The following FOXP1 variants were observed in gnomAD, a reference collection of about 807,000 sequenced individuals.
FOXP1 encodes the protein forkhead box protein P1.
A neutral mutation model predicts 98.2 loss-of-function variants in FOXP1; 15 were observed. That is an observed-to-expected ratio of 0.15 (90% CI 0.10 to 0.24). FOXP1 has a LOEUF of 0.24. Ranked by LOEUF, FOXP1 falls within the 10% of genes least tolerant of loss-of-function variation. The pLI is 1.00. For missense variants in FOXP1, 633 were observed against 848.5 expected (o/e 0.75, Z 3.15); for synonymous variants, 371 against 314.5 (o/e 1.18, Z -1.90).
chr3:71,512,639 A>C (rs2042281647), intron 2 of FOXP1, among the ~76,000 whole-genome samples: 1 of 152,206 alleles, frequency 6.6e-6, no homozygotes, highest in African/African-American at 2.4e-5. Context: ...GAGAGAAGCA[A>C]AGGTGTTGGA....
chr3:71,576,202 C>T (rs1174177773), intron 2 of FOXP1, among the ~76,000 whole-genome samples: 2 of 152,148 alleles, frequency 1.3e-5, no homozygotes, highest in Non-Finnish European at 2.9e-5. Flanking sequence ...TCAATGATCC[C>T]ATTTCAGCTA....
rs557782638 is a variant in FOXP1 at position 71,213,125 on chromosome 3, A to T, written c.-11-14733T>A. ...TAAATCCAAAATAACACTCCCAAAC[A>T]AATGAAAATTAAATGAAGGGAGAAA... On this transcript the variant is annotated intron_variant, in intron 5 of 20. Transcript: ENST00000649528. Among the ~76,000 whole-genome samples, 3 of 152,350 alleles carry T rather than the reference A, an allele frequency of 2.0e-5. No individual in the cohort carries two copies. In the South Asian group the frequency reaches 6.2e-4, roughly 32 times the overall value.
At chr3:71,251,667 A>C (rs1398409270) in intron 5 of FOXP1, among the ~76,000 whole-genome samples, 1 of 152,236 alleles carries the variant, frequency 6.6e-6, no homozygotes, top group Non-Finnish European at 1.5e-5. Flanking sequence ...TAGAGAGCTT[A>C]AGATGGGATA....
At chr3:70,992,407 A>G (rs1170836705) in intron 13 of FOXP1, among the ~76,000 whole-genome samples, 1 of 152,184 alleles carries the variant, frequency 6.6e-6, no homozygotes, top group African/African-American at 2.4e-5. Context: ...TCTGACGTAC[A>G]TATGATGAAA....
At chr3:71,263,793 G>T (rs2069383927) in intron 5 of FOXP1, among the ~76,000 whole-genome samples, 1 of 151,796 alleles carries the variant, frequency 6.6e-6, no homozygotes, top group South Asian at 2.1e-4. Flanking sequence ...ACCCACGCTG[G>T]AGTGCAATGG....
At chr3:71,020,896 C>T (rs1181294937) in intron 11 of FOXP1, among the ~76,000 whole-genome samples, 1 of 152,098 alleles carries the variant, frequency 6.6e-6, no homozygotes, top group Non-Finnish European at 1.5e-5. Flanking sequence ...CGGTTTATGC[C>T]TCCCCACAAA....
At chr3:71,028,020 C>T (rs765247848) in intron 11 of FOXP1, among the ~76,000 whole-genome samples, 7 of 151,958 alleles carry the variant, frequency 4.6e-5, no homozygotes, top group African/African-American at 9.7e-5. Flanking sequence ...TGGGCCTTAA[C>T]GTATCAGTAG....
chr3:71,225,553 C>T (rs879566449), intron 5 of FOXP1, among the ~76,000 whole-genome samples: 14 of 152,104 alleles, frequency 9.2e-5, no homozygotes, highest in Admixed American at 9.2e-4. Flanking sequence ...ATTGCTAATG[C>T]TACGGATTTG....
upstream of FOXP1, chr3:71,583,845 G>A (rs141255995): frequency 0.052 from 51,488 of 986,224 alleles, 1,450 homozygotes; most frequent in Non-Finnish European, 0.057. Flanking sequence ...GGCAGCACCG[G>A]CCCGGGGGCG....
At chr3:70,996,237 G>A (rs1448899743) in intron 13 of FOXP1, among the ~76,000 whole-genome samples, 1 of 152,144 alleles carries the variant, frequency 6.6e-6, no homozygotes, top group Admixed American at 6.5e-5. Flanking sequence ...GCCCGCCTCA[G>A]CCTTCCAAAG....
intron 4 of FOXP1, among the ~76,000 whole-genome samples, chr3:71,306,561 A>T (rs2074288299): frequency 6.6e-6 from 1 of 150,828 alleles, no homozygotes; most frequent in African/African-American, 2.4e-5. Context: ...ATATATACAC[A>T]CACATATATA....
chr3:71,508,666 C>G (rs1173169762), intron 2 of FOXP1, among the ~76,000 whole-genome samples: 6 of 152,150 alleles, frequency 3.9e-5, no homozygotes. Flanking sequence ...CAGATGGAAC[C>G]AAAACATCGT....
At chr3:71,573,879 A>C (rs925737639) in intron 2 of FOXP1, 80 of 152,340 alleles carry the variant, frequency 5.3e-4, no homozygotes, top group Middle Eastern at 6.8e-3. Flanking sequence ...TTGATTCCCT[A>C]ATGAAATATC....
chr3:71,163,536 G>T (rs2061249896), intron 6 of FOXP1, among the ~76,000 whole-genome samples: 1 of 152,282 alleles, frequency 6.6e-6, no homozygotes, highest in Non-Finnish European at 1.5e-5. Context: ...CGTGGCGGCT[G>T]CTCAGTGCCC....
intron 2 of FOXP1, among the ~76,000 whole-genome samples, chr3:71,561,867 T>C (rs528233215): frequency 9.8e-5 from 15 of 152,366 alleles, no homozygotes; most frequent in South Asian, 4.1e-4. Context: ...AGTTTCTTTT[T>C]TTCTTTCTCT....
intron 4 of FOXP1, among the ~76,000 whole-genome samples, chr3:71,335,949 G>T (rs932480054): frequency 7.1e-6 from 1 of 141,542 alleles, no homozygotes; most frequent in African/African-American, 2.7e-5. Context: ...GGCGGAGGTT[G>T]CAGTGGACCA....
At chr3:71,346,056 C>G (rs2077340710) in intron 4 of FOXP1, among the ~76,000 whole-genome samples, 1 of 152,018 alleles carries the variant, frequency 6.6e-6, no homozygotes, top group Admixed American at 6.6e-5. Context: ...TTTCTATGAT[C>G]AAAATCCTCA....
chr3:70,986,414 C>G (rs753511629), intron 14 of FOXP1, among the ~76,000 whole-genome samples: 4 of 152,222 alleles, frequency 2.6e-5, no homozygotes, highest in Admixed American at 6.5e-5. Context: ...TGTTTTTAAT[C>G]CGTGGAGGAA....
At chr3:71,273,560 T>A (rs2070597380) in intron 5 of FOXP1, among the ~76,000 whole-genome samples, 1 of 152,212 alleles carries the variant, frequency 6.6e-6, no homozygotes, top group South Asian at 2.1e-4. Context: ...CTTCCTTGAA[T>A]GCAGTCCTAC....
Sources: allele counts gnomAD v4.1 joint callset (sites outside exome capture counted in the v4.1 genomes callset), GRCh38; gene constraint gnomAD v4.1.1; transcripts MANE v1.5; gene names NCBI Gene and HGNC (gene_info 2026-07-23, HGNC 2026-07-21).